Variants in DEF8 observed in about 807,000 individuals in gnomAD.
DEF8 encodes the protein differentially expressed in FDCP 8 homolog.
A neutral mutation model predicts 59.1 loss-of-function variants in DEF8; 38 were observed. The observed-to-expected ratio is 0.64, with a 90% CI of 0.50 to 0.84. The LOEUF (loss-of-function observed/expected upper bound fraction) is 0.84, where lower values mean the gene tolerates loss of function less well. Among genes scored for constraint, DEF8 ranks in the 40% least tolerant of loss-of-function variants. DEF8 has a pLI of 0.00. For synonymous variants in DEF8, 265 were observed against 250.1 expected, an observed-to-expected ratio of 1.06 and a Z score of -0.56; for missense variants, 557 against 615.2, an observed-to-expected ratio of 0.91 and a Z score of 1.00.
intron 12 of DEF8, 113 bp downstream of exon 12, chr16:89,964,688 G>A (rs2034454306): frequency 4.2e-6 from 3 of 719,896 alleles, no homozygotes; most frequent in African/African-American, 1.8e-5. Context: ...CTGCTCCCCC[G>A]AGAAAGGGGA....
At chr16:89,950,579 G>A (rs1357972298) in intron 2 of DEF8, among the ~76,000 whole-genome samples, 1 of 152,056 alleles carries the variant, frequency 6.6e-6, no homozygotes, top group Non-Finnish European at 1.5e-5. Flanking sequence ...TAGTACAGAC[G>A]GGGTTTCACC....
At chr16:89,955,318 G>C in intron 4 of DEF8, 52 bp downstream of exon 4, 1 of 1,495,950 alleles carries the variant, frequency 6.7e-7, no homozygotes, top group South Asian at 1.1e-5. Context: ...CCCCAAGGCA[G>C]GAAGGGCCAG....
rs138908537 is a variant in DEF8 at position 89,964,245 on chromosome 16, C to T, written c.1078C>T (p.Arg360Cys). Residue 360 changes from arginine to cysteine, a missense_variant, in exon 11 of 13, where the codon CGC becomes TGC. Transcript: ENST00000563594. ...GGACCTCCTGGACGTGCATGCCGGCCGCCTGGGCTGCTCGCTCACCGAGAT... is the reference window on the plus strand; with the variant it reads ...GGACCTCCTGGACGTGCATGCCGGCTGCCTGGGCTGCTCGCTCACCGAGAT... ...VQDLLDVHAG[R>C]LGCSLTEIHT... 494 of 1,470,462 alleles carry T rather than the reference C, an allele frequency of 3.4e-4. No individual in the cohort carries two copies. Among genetic ancestry groups the T allele is most frequent in the Admixed American group, 9.5e-4 (45 of 47,544 alleles). The allele number at this position is 1,470,462 out of a possible 1,614,324, so 91.1% of individuals were successfully genotyped here. A position where few individuals can be genotyped will look rare whatever the true frequency, so the allele number is the denominator to read the frequency against.
chr16:89,949,525 C>A lies in DEF8; in HGVS notation c.-11+12C>A. ...GGCAGGCGATGCAGGTATGGGCAGA[C>A]AGGACGCTGTTGACTCCGCACACCG... On this transcript the variant is annotated intron_variant, in intron 2 of 12. Coordinates refer to ENST00000563594, the MANE Select transcript of DEF8 (RefSeq NM_001242818.2). 6.2e-7 allele frequency: 1 copy of A among 1,613,344 alleles called. No homozygotes were observed.
chr16:89,966,126 GGTGCTTGCTGGGACTCGGGGCGGCT>G lies in DEF8; in HGVS notation c.*165_*189del. 1 of 566,654 alleles carries G rather than the reference GGTGCTTGCTGGGACTCGGGGCGGCT, an allele frequency of 1.8e-6. No homozygotes were observed. Among genetic ancestry groups the G allele is most frequent in the Non-Finnish European group, 3.1e-6 (1 of 317,600 alleles). 35.1% of individuals were successfully genotyped at this position (566,654 alleles called of 1,614,324 possible). On this transcript the variant is annotated 3_prime_UTR_variant, in exon 13 of 13. Transcript: ENST00000563594. ...CAGTGTCAAGGCCCGCTGTCTCCCA[GGTGCTTGCTGGGACTCGGGGCGGCT>G]GCACCTGGCTGTCACCTGGGTGTGC...
intron 1 of DEF8, 73 bp from the exon 2 acceptor site, chr16:89,949,344 C>T (rs2151111813): frequency 7.8e-7 from 1 of 1,279,794 alleles, no homozygotes; most frequent in Middle Eastern, 2.7e-4. Context: ...CCCGAGGAGC[C>T]CGGGAGACCG....
In DEF8 at chr16:89,954,224, G is replaced by C. The variant is rs754916579; in HGVS notation, c.-10-19G>C. The C allele has an allele frequency of 1.2e-6, 2 of 1,609,076 alleles. No homozygotes were observed. Among genetic ancestry groups the C allele is most frequent in the Admixed American group, 3.3e-5 (2 of 59,842 alleles). On this transcript the variant is annotated intron_variant, in intron 2 of 12. Coordinates refer to ENST00000563594, the MANE Select transcript of DEF8 (RefSeq NM_001242818.2). This position sits in a 1 kb window ranked among gnomAD's most constrained non-coding sequence, Gnocchi z 4.3. ...AGCCTGGTACCTGGGGACTCATCCT[G>C]GCCCTGCCTGGCCCTCAGGTGGGAT...
At chr16:89,951,979 G>A (rs567815742) in intron 2 of DEF8, among the ~76,000 whole-genome samples, 7 of 151,984 alleles carry the variant, frequency 4.6e-5, no homozygotes, top group African/African-American at 1.7e-4. Context: ...CTGGGTTCAC[G>A]CTATTCTGCT....
intron 7 of DEF8, 53 bp from the exon 8 acceptor site, chr16:89,961,684 C>T: frequency 6.2e-7 from 1 of 1,604,774 alleles, no homozygotes; most frequent in Non-Finnish European, 8.5e-7. Flanking sequence ...GGCTGGAAAG[C>T]TGTGTGGGGT....
At chr16:89,955,353 G>C in intron 4 of DEF8, 87 bp downstream of exon 4, 5 of 1,129,362 alleles carry the variant, frequency 4.4e-6, no homozygotes, top group Non-Finnish European at 6.7e-6. Flanking sequence ...TCCCTCCCAG[G>C]TGGCAGGGCA....
chr16:89,952,191 A>G (rs2032280351), intron 2 of DEF8, among the ~76,000 whole-genome samples: 1 of 152,212 alleles, frequency 6.6e-6, no homozygotes, highest in Non-Finnish European at 1.5e-5. Context: ...TTTGTATAAA[A>G]TTTAATAGAG....
In DEF8 at chr16:89,964,550, G is replaced by T; in HGVS notation, c.1228G>T (p.Ala410Ser). The T allele has an allele frequency of 3.8e-6, 6 of 1,584,460 alleles. No homozygotes were observed. Among genetic ancestry groups the T allele is most frequent in the Non-Finnish European group, 5.1e-6 (6 of 1,166,552 alleles). Reference protein sequence around the residue: ...FPFDSHTSVCADCSAVFHRDC... With the variant: ...FPFDSHTSVCSDCSAVFHRDC... Reference sequence around the variant, plus strand: ...GTTCGACAGCCACACGTCTGTGTGCGCCGACTGCTCCGCGGTCTTCCACAG... The same window carrying T: ...GTTCGACAGCCACACGTCTGTGTGCTCCGACTGCTCCGCGGTCTTCCACAG... Residue 410 changes from alanine (A) to serine (S), a missense_variant, in exon 12 of 13, where the codon GCC becomes TCC. Coordinates refer to ENST00000563594, the MANE Select transcript of DEF8 (RefSeq NM_001242818.2).
Position 89,954,524 on chromosome 16 carries a change from T to A in DEF8, c.124+148T>A. The A allele has an allele frequency of 1.2e-6, 1 of 869,080 alleles. No individual in the cohort carries two copies. 53.8% of individuals were successfully genotyped at this position (869,080 alleles called of 1,614,324 possible). A position where few individuals can be genotyped will look rare whatever the true frequency, so the allele number is the denominator to read the frequency against. On this transcript the variant is annotated intron_variant, in intron 3 of 12. Coordinates refer to ENST00000563594, the MANE Select transcript of DEF8 (RefSeq NM_001242818.2). This position sits in a 1 kb window ranked among gnomAD's most constrained non-coding sequence, Gnocchi z 4.3. The stretch of plus-strand genomic sequence containing the variant: ...GCTGTGTTCTTTTTCCCATCTCTTC[T>A]GTGGTCGTGTGGTTTGTTTCTGTGT...
intron 2 of DEF8, chr16:89,950,453 A>G (rs1464811017): frequency 5.2e-6 from 3 of 572,150 alleles, no homozygotes; most frequent in Non-Finnish European, 6.6e-6. Context: ...CAGTGGCACA[A>G]TCTCGGCTCA....
intron 4 of DEF8, among the ~76,000 whole-genome samples, chr16:89,955,667 C>T (rs1186539255): frequency 6.6e-6 from 1 of 152,202 alleles, no homozygotes; most frequent in African/African-American, 2.4e-5. Context: ...AGCCCCTTGT[C>T]TGCCTCGTAC....
Position 89,966,127 on chromosome 16 carries a change from G to A in DEF8, c.*164G>A. On this transcript the variant is annotated 3_prime_UTR_variant, in exon 13 of 13. Transcript: ENST00000563594. ...AGTGTCAAGGCCCGCTGTCTCCCAG[G>A]TGCTTGCTGGGACTCGGGGCGGCTG... The A allele has an allele frequency of 1.8e-6, 1 of 566,726 alleles. No individual in the cohort carries two copies. Among genetic ancestry groups the A allele is most frequent in the South Asian group, 2.1e-5 (1 of 48,658 alleles). The allele number at this position is 566,726 out of a possible 1,614,324, so 35.1% of individuals were successfully genotyped here.
At position 89,961,214 on chromosome 16, in the gene DEF8, C is replaced by T. The variant is rs1418634905; in HGVS notation, c.679+119C>T. On this transcript the variant is annotated intron_variant, in intron 7 of 12. Coordinates refer to ENST00000563594, the MANE Select transcript of DEF8 (RefSeq NM_001242818.2). ...GAGTGAGGCCCTGGGGCAGTGCCTG[C>T]TTGATATCTTTAGGAAGTGACAAGG... is the stretch of plus-strand genomic sequence containing the variant. The T allele has an allele frequency of 9.4e-5, 123 of 1,304,264 alleles. No homozygotes were observed. In the East Asian group the frequency reaches 2.8e-3, roughly 30 times the overall value. 80.8% of individuals were successfully genotyped at this position (1,304,264 alleles called of 1,614,324 possible).
intron 4 of DEF8, chr16:89,957,305 G>A (rs1424926169): frequency 9.5e-6 from 5 of 526,128 alleles, no homozygotes; most frequent in Non-Finnish European, 1.7e-5. Context: ...AGGCAGGTCA[G>A]GCTAGGAGCA....
chr16:89,961,031 C>T lies in DEF8; in HGVS notation c.615C>T (p.Cys205=). ...SHQAEYELNI[C]PETGLDSQDY... is the part of the protein sequence containing the mutation. ...AAGCTGAATACGAACTGAACATCTG[C>T]CCTGAGACAGGGCTGGACAGCCAGG... Residue 205 remains cysteine, a synonymous_variant, in exon 7 of 13, where the codon TGC becomes TGT. Coordinates refer to ENST00000563594, the MANE Select transcript of DEF8 (RefSeq NM_001242818.2). 4 of 1,614,154 alleles carry T rather than the reference C, an allele frequency of 2.5e-6. No individual in the cohort carries two copies. The highest frequency in any genetic ancestry group is 3.4e-6 in the Non-Finnish European group (4 of 1,180,032).
Sources: allele counts gnomAD v4.1 joint callset (sites outside exome capture counted in the v4.1 genomes callset), GRCh38; gene constraint gnomAD v4.1.1; non-coding constraint Gnocchi (gnomAD v3.1); transcripts MANE v1.5; gene names NCBI Gene and HGNC (gene_info 2026-07-23, HGNC 2026-07-21).